The following NDST4 variants were observed in gnomAD, a reference collection of about 807,000 sequenced individuals.
NDST4 encodes N-heparan sulfate sulfotransferase 4.
A neutral mutation model predicts 100.8 loss-of-function variants in NDST4; 63 were observed. The ratio of observed to expected loss-of-function variants is 0.62; its 90% CI spans 0.51 to 0.77. The LOEUF (loss-of-function observed/expected upper bound fraction) is 0.77. Among genes scored for constraint, NDST4 ranks in the 30% least tolerant of loss-of-function variants. The pLI is 0.00. For synonymous variants in NDST4, 377 were observed against 361.8 expected, an observed-to-expected ratio of 1.04 and a Z score of -0.48; for missense variants, 943 against 1,018.4, an observed-to-expected ratio of 0.93 and a Z score of 1.01.
At chr4:115,069,052 G>A (rs483675) in intron 2 of NDST4, among the ~76,000 whole-genome samples, 36,812 of 151,948 alleles carry the variant, frequency 0.24, 5,996 homozygotes, top group East Asian at 0.46. Context: ...TAAGGTCAGT[G>A]ATTATGCAGG....
At chr4:114,988,405 A>C (rs1401208173) in intron 2 of NDST4, among the ~76,000 whole-genome samples, 1 of 117,930 alleles carries the variant, frequency 8.5e-6, no homozygotes, top group African/African-American at 3.4e-5. Context: ...TCTGTAGCCC[A>C]GGCTGGAGTG....
chr4:114,877,081 C>T (rs1012904259), intron 6 of NDST4, among the ~76,000 whole-genome samples: 3 of 151,536 alleles, frequency 2.0e-5, no homozygotes, highest in Admixed American at 6.6e-5. Flanking sequence ...CACACACACA[C>T]ACACACGCGT....
In NDST4 at chr4:115,051,221, A is replaced by C. The variant is rs1025131545; in HGVS notation, c.978+24838T>G. Among the ~76,000 whole-genome samples, 5 of 152,108 alleles carry C rather than the reference A, an allele frequency of 3.3e-5. No homozygotes were observed. In the East Asian group the frequency reaches 9.6e-4, roughly 29 times the overall value. On this transcript the variant is annotated intron_variant, in intron 2 of 13. Coordinates refer to ENST00000264363, the MANE Select transcript of NDST4 (RefSeq NM_022569.3). ...TTAATGTATTCTCAACAGTGGTTCA[A>C]ATTTCAGTGTCTTCATCTCGTTTAT...
intron 4 of NDST4, among the ~76,000 whole-genome samples, chr4:114,969,327 A>AAAAAG (rs1726456389): frequency 1.5e-5 from 2 of 135,148 alleles, no homozygotes; most frequent in Admixed American, 1.5e-4. Flanking sequence ...AAAAGAAAAA[A>AAAAAG]AAAAAAAAAA....
At chr4:114,899,116 T>C (rs963984518) in intron 6 of NDST4, among the ~76,000 whole-genome samples, 6 of 152,192 alleles carry the variant, frequency 3.9e-5, no homozygotes, top group Non-Finnish European at 8.8e-5. Flanking sequence ...CTGATTTTAG[T>C]TGGAAAGCTT....
intron 1 of NDST4, among the ~76,000 whole-genome samples, chr4:115,078,765 G>C (rs534480863): frequency 6.6e-6 from 1 of 151,890 alleles, no homozygotes; most frequent in Non-Finnish European, 1.5e-5. Flanking sequence ...GCTTGAACCC[G>C]GGAGGCGGAA....
chr4:114,868,474 AC>A (rs1467127032), intron 7 of NDST4, among the ~76,000 whole-genome samples: 2 of 152,082 alleles, frequency 1.3e-5, no homozygotes, highest in Non-Finnish European at 2.9e-5. Context: ...CAACTTGAAG[AC>A]TTTTGGACAT....
intron 4 of NDST4, among the ~76,000 whole-genome samples, chr4:114,968,222 T>C (rs1467460072): frequency 6.6e-6 from 1 of 152,234 alleles, no homozygotes; most frequent in Non-Finnish European, 1.5e-5. Flanking sequence ...TAGTATTAAT[T>C]TGACTTGCGC....
intron 2 of NDST4, among the ~76,000 whole-genome samples, chr4:115,051,587 G>A (rs1397144440): frequency 6.6e-6 from 1 of 152,090 alleles, no homozygotes; most frequent in Non-Finnish European, 1.5e-5. Flanking sequence ...CTGCAAATGG[G>A]AGGATTTCAG....
intron 7 of NDST4, among the ~76,000 whole-genome samples, chr4:114,854,831 T>A (rs1280731547): frequency 1.3e-5 from 2 of 152,178 alleles, no homozygotes; most frequent in Non-Finnish European, 2.9e-5. Context: ...GTAGTTCTAT[T>A]TTTCGTTTTG....
intron 1 of NDST4, among the ~76,000 whole-genome samples, chr4:115,099,409 G>A (rs1335208412): frequency 6.6e-6 from 1 of 151,996 alleles, no homozygotes; most frequent in African/African-American, 2.4e-5. Flanking sequence ...ATTTGCAATA[G>A]CCGTATCTGA....
At chr4:114,888,491 TA>T (rs1724526154) in intron 6 of NDST4, among the ~76,000 whole-genome samples, 1 of 152,196 alleles carries the variant, frequency 6.6e-6, no homozygotes, top group Non-Finnish European at 1.5e-5. Context: ...GTAGCTCTTA[TA>T]TGCTAGTCTT....
At chr4:115,046,793 A>G (rs1301173422) in intron 2 of NDST4, among the ~76,000 whole-genome samples, 2 of 152,204 alleles carry the variant, frequency 1.3e-5, no homozygotes, top group Non-Finnish European at 2.9e-5. Flanking sequence ...GTTTATTAGT[A>G]TATCTTCTAT....
Position 114,870,780 on chromosome 4 carries a change from G to T in NDST4, c.1707C>A (p.Asp569Glu). 6.2e-7 allele frequency: 1 copy of T among 1,609,190 alleles called. No individual in the cohort carries two copies. The highest frequency in any genetic ancestry group is 1.1e-5 in the South Asian group (1 of 90,284). ...QYFELFPEQKDPLWQNPCDDK... is the reference protein window; with the variant it reads ...QYFELFPEQKEPLWQNPCDDK... ...TGTTAAATGTTACCTGCCATAGAGGGTCTTTCTGCTCAGGGAAGAGCTCAA... is the reference window on the plus strand; with the variant it reads ...TGTTAAATGTTACCTGCCATAGAGGTTCTTTCTGCTCAGGGAAGAGCTCAA... Residue 569 changes from aspartate (D) to glutamate (E), a missense_variant, in exon 7 of 14, where the codon GAC becomes GAA. By Grantham distance (45) the Asp-to-Glu change is conservative (BLOSUM62 2). This residue lies in a region of NDST4 where 526 missense variants were observed against 634.1 expected (regional missense o/e 0.83). Coordinates refer to ENST00000264363, the MANE Select transcript of NDST4 (RefSeq NM_022569.3).
At chr4:115,042,944 T>C (rs1248000821) in intron 2 of NDST4, among the ~76,000 whole-genome samples, 2 of 152,094 alleles carry the variant, frequency 1.3e-5, no homozygotes, top group Admixed American at 1.3e-4. Flanking sequence ...TACTAGCATA[T>C]GTTGTGCCTG....
At chr4:114,840,197 G>A (rs1256347627) in intron 10 of NDST4, among the ~76,000 whole-genome samples, 2 of 152,252 alleles carry the variant, frequency 1.3e-5, no homozygotes, top group South Asian at 4.1e-4. Context: ...ATCTAAACCT[G>A]CTAATTCACG....
At chr4:115,037,650 G>T (rs1163990612) in intron 2 of NDST4, among the ~76,000 whole-genome samples, 1 of 152,076 alleles carries the variant, frequency 6.6e-6, no homozygotes, top group Non-Finnish European at 1.5e-5. Context: ...CCAGAATCTT[G>T]TAAATGTTCA....
rs181714960 is a variant in NDST4, at chr4:114,920,672, C to A, written c.1536+14534G>T. On this transcript the variant is annotated intron_variant, in intron 6 of 13. Coordinates refer to ENST00000264363, the MANE Select transcript of NDST4 (RefSeq NM_022569.3). ...GCAGTCATCATGAACTTTCTGTTTA[C>A]AAGAACATGACCTTTTCTTTACTTC... 2.0e-5 allele frequency among the ~76,000 whole-genome samples: 3 copies of A among 152,142 alleles called. No individual in the cohort carries two copies. The South Asian group carries it at 6.2e-4, about 32-fold the overall frequency.
chr4:114,975,743 T>C (rs555430112), intron 3 of NDST4, among the ~76,000 whole-genome samples: 1 of 152,258 alleles, frequency 6.6e-6, no homozygotes, highest in Admixed American at 6.5e-5. Context: ...ATAGTATTGT[T>C]TGTATGTGAA....
Sources: gnomAD v4.1 joint callset for allele counts (sites outside exome capture counted in the v4.1 genomes callset) on GRCh38, gnomAD v4.1.1 for gene constraint, gnomAD v4.1.1 regional missense constraint, MANE v1.5 for transcripts, NCBI Gene and HGNC (gene_info 2026-07-23, HGNC 2026-07-21) for gene names.